Variants in ACSM3 observed in about 807,000 individuals in gnomAD.
The protein encoded by ACSM3 is acyl-CoA synthetase medium chain family member 3, also known as acyl-coenzyme A synthetase ACSM3, mitochondrial.
Under a neutral mutation model 74.1 loss-of-function variants are expected in ACSM3, and 61 were observed. That is an observed-to-expected ratio of 0.82 (90% CI 0.67 to 1.02). The LOEUF is 1.02. ACSM3 is among the 50% of genes least tolerant of loss of function. ACSM3 has a pLI of 0.00. For synonymous variants in ACSM3, 213 were observed against 241.5 expected, an observed-to-expected ratio of 0.88 and a Z score of 1.09; for missense variants, 660 against 697.0, an observed-to-expected ratio of 0.95 and a Z score of 0.60.
intron 3 of ACSM3, among the ~76,000 whole-genome samples, chr16:20,755,786 C>A (rs866889571): frequency 1.2e-4 from 12 of 100,930 alleles, no homozygotes; most frequent in African/African-American, 1.8e-4. Flanking sequence ...CCCTCCCCCC[C>A]CCCCACCCCA....
chr16:20,675,449 T>C (rs1391660781), intron 1 of ACSM3, among the ~76,000 whole-genome samples: 1 of 152,148 alleles, frequency 6.6e-6, no homozygotes, highest in Non-Finnish European at 1.5e-5. Flanking sequence ...GAAAGGCACG[T>C]TCCTGGCTAA....
chr16:20,730,601 C>CA, intron 1 of ACSM3, among the ~76,000 whole-genome samples: 1 of 152,298 alleles, frequency 6.6e-6, no homozygotes, highest in South Asian at 2.1e-4. Context: ...CTTATACCCC[C>CA]TCCACTCCCA....
Position 20,706,653 on chromosome 16 carries a change from T to C in ACSM3, c.-190+31831T>C, listed in dbSNP as rs186743465. On this transcript the variant is annotated intron_variant, in intron 1 of 3. Coordinates refer to the ACSM3 transcript ENST00000561584. ...GAAATGGCCCCATCTGCCTCATGTTTGTTGAAAGCCCTATTTGGACTTGAT... is the reference window on the plus strand; with the variant it reads ...GAAATGGCCCCATCTGCCTCATGTTCGTTGAAAGCCCTATTTGGACTTGAT... 3.0e-3 allele frequency among the ~76,000 whole-genome samples: 463 copies of C among 152,298 alleles called. 3 individuals are homozygous for C. The highest frequency in any genetic ancestry group is 5.4e-3 in the Non-Finnish European group (367 of 68,020).
At chr16:20,792,580 C>T (rs1298042512) in intron 12 of ACSM3, 7 of 985,250 alleles carry the variant, frequency 7.1e-6, no homozygotes, top group Admixed American at 1.2e-4. Context: ...GAATTCCTTC[C>T]GTGGTGGACT....
intron 6 of ACSM3, 73 bp from the exon 7 acceptor site, chr16:20,781,635 G>A: frequency 9.0e-7 from 1 of 1,105,194 alleles, no homozygotes; most frequent in Non-Finnish European, 1.4e-6. Context: ...AAATTGTGCT[G>A]CGTCAACCAA....
rs1445493367 is a variant in ACSM3 at position 20,741,522 on chromosome 16, T to C, written c.-189-8388T>C. 4 of 1,014,934 alleles carry C rather than the reference T, an allele frequency of 3.9e-6. No individual in the cohort carries two copies. In the African/African-American group the frequency reaches 6.0e-5, roughly 15 times the overall value. 62.9% of individuals were successfully genotyped at this position (1,014,934 alleles called of 1,614,324 possible). ...CGGGACCGGTACCTTTTCTGGCCCATACATGTCGTCGCCGTATTCGTTGAG... is the reference window on the plus strand; with the variant it reads ...CGGGACCGGTACCTTTTCTGGCCCACACATGTCGTCGCCGTATTCGTTGAG... On this transcript the variant is annotated intron_variant, in intron 1 of 3. Transcript: ENST00000561584.
chr16:20,741,431 C>A, intron 1 of ACSM3: 2 of 1,449,698 alleles, frequency 1.4e-6, no homozygotes, highest in Admixed American at 2.7e-5. Flanking sequence ...CATGCCCATA[C>A]CAGCAGCCAT....
intron 7 of ACSM3, 107 bp downstream of exon 7, chr16:20,781,894 G>T: frequency 1.2e-6 from 1 of 808,384 alleles, no homozygotes; most frequent in Non-Finnish European, 2.0e-6. Context: ...AGTAGACACA[G>T]GATTTAGCAA....
chr16:20,745,344 G>T (rs1425695637), intron 1 of ACSM3, among the ~76,000 whole-genome samples: 4 of 152,110 alleles, frequency 2.6e-5, no homozygotes, highest in African/African-American at 9.7e-5. Flanking sequence ...CCAGCACTTT[G>T]GGAGGCCAAG....
chr16:20,718,481 C>A (rs2152388751), intron 1 of ACSM3: 1 of 408,220 alleles, frequency 2.4e-6, no homozygotes, highest in East Asian at 4.6e-5. Flanking sequence ...ATTGGGTTCA[C>A]CGTCTGTGGA....
At chr16:20,747,102 G>C (rs1308172353) in intron 1 of ACSM3, among the ~76,000 whole-genome samples, 5 of 151,986 alleles carry the variant, frequency 3.3e-5, no homozygotes, top group Non-Finnish European at 5.9e-5. Flanking sequence ...TTTCTTGGAG[G>C]CTGACTCACT....
At chr16:20,741,494 C>T (rs745986390) in intron 1 of ACSM3, 3 of 1,032,426 alleles carry the variant, frequency 2.9e-6, no homozygotes, top group Admixed American at 6.6e-5. Context: ...CGCCCGCCCA[C>T]CCCGGGACCG....
chr16:20,731,159 C>T (rs1297057611), intron 1 of ACSM3, among the ~76,000 whole-genome samples: 1 of 152,224 alleles, frequency 6.6e-6, no homozygotes, highest in African/African-American at 2.4e-5. Context: ...AGCCACTACA[C>T]TCAGCCCCTT....
At chr16:20,767,516 CAAAAAAA>C (rs772094919) in intron 1 of ACSM3, among the ~76,000 whole-genome samples, 2 of 4,488 alleles carry the variant, frequency 4.5e-4, no homozygotes, top group East Asian at 2.9e-3. Flanking sequence ...GACTCCGTCT[CAAAAAAA>C]AAAAAAAAAA....
At chr16:20,689,088 C>A (rs1201164664) in intron 1 of ACSM3, among the ~76,000 whole-genome samples, 1 of 149,918 alleles carries the variant, frequency 6.7e-6, no homozygotes, top group South Asian at 2.1e-4. Context: ...TTGATGACAT[C>A]AATAACATAA....
At chr16:20,727,929 T>C (rs1302933187) in intron 1 of ACSM3, among the ~76,000 whole-genome samples, 2 of 152,196 alleles carry the variant, frequency 1.3e-5, no homozygotes, top group Non-Finnish European at 2.9e-5. Flanking sequence ...ACCTAATGCA[T>C]TAGAAACTCT....
At chr16:20,693,841 T>C (rs1024876236) in intron 1 of ACSM3, among the ~76,000 whole-genome samples, 2 of 152,196 alleles carry the variant, frequency 1.3e-5, no homozygotes, top group African/African-American at 2.4e-5. Context: ...AATTTTAATA[T>C]TGTAAAAAGT....
intron 1 of ACSM3, among the ~76,000 whole-genome samples, chr16:20,675,050 A>G (rs935425912): frequency 1.3e-5 from 2 of 152,306 alleles, no homozygotes; most frequent in Admixed American, 1.3e-4. Flanking sequence ...GTTTGCTGGC[A>G]GAATGGTAAG....
At chr16:20,729,542 A>T (rs2079819108) in intron 1 of ACSM3, 1 of 527,768 alleles carries the variant, frequency 1.9e-6, no homozygotes, top group Non-Finnish European at 3.6e-6. Context: ...TCCATATCCA[A>T]TTTGTGGAGA....
Sources: allele counts gnomAD v4.1 joint callset (sites outside exome capture counted in the v4.1 genomes callset), GRCh38; gene constraint gnomAD v4.1.1; transcripts MANE v1.5; gene names NCBI Gene and HGNC (gene_info 2026-07-23, HGNC 2026-07-21).